The following DHDDS variants were observed in gnomAD, a reference collection of about 807,000 sequenced individuals.
DHDDS encodes dehydrodolichyl diphosphate synthase complex subunit DHDDS.
Under a neutral mutation model 46.2 loss-of-function variants are expected in DHDDS, and 16 were observed. The observed-to-expected ratio is 0.35, with a 90% confidence interval of 0.23 to 0.53. The LOEUF is 0.53. Ranked by LOEUF, DHDDS falls within the 20% of genes least tolerant of loss-of-function variation. The pLI, the probability that DHDDS is intolerant of heterozygous loss-of-function variation, is 0.94. For missense variants in DHDDS, 340 were observed against 423.7 expected, an observed-to-expected ratio of 0.80 and a Z score of 1.73; for synonymous variants, 151 against 163.1, an observed-to-expected ratio of 0.93 and a Z score of 0.56.
intron 3 of DHDDS, 145 bp from the exon 4 acceptor site, chr1:26,442,586 C>T: frequency 1.1e-6 from 1 of 928,208 alleles, no homozygotes; most frequent in Admixed American, 1.8e-5. Flanking sequence ...GACATAAACA[C>T]TGATGTTATC....
At chr1:26,462,434 C>A (rs931100528) in intron 8 of DHDDS, among the ~76,000 whole-genome samples, 44 of 152,074 alleles carry the variant, frequency 2.9e-4, no homozygotes, top group African/African-American at 9.9e-4. Context: ...CCCAGAATAC[C>A]TGGGTTTGAG....
intron 3 of DHDDS, among the ~76,000 whole-genome samples, chr1:26,442,397 A>G (rs1014439617): frequency 5.3e-5 from 8 of 152,202 alleles, no homozygotes; most frequent in African/African-American, 1.9e-4. Context: ...ACCTAGAGAA[A>G]TTAAATGATT....
intron 8 of DHDDS, among the ~76,000 whole-genome samples, chr1:26,463,057 T>C (rs1421697533): frequency 6.6e-6 from 1 of 152,146 alleles, no homozygotes; most frequent in Non-Finnish European, 1.5e-5. Context: ...GAAATGAGGC[T>C]AGAGTCAGAC....
At chr1:26,455,054 AT>A (rs979496972) in intron 6 of DHDDS, 1 of 1,068,626 alleles carries the variant, frequency 9.4e-7, no homozygotes, top group African/African-American at 1.5e-5. Context: ...CAGGTACTTC[AT>A]GGCTTTTCGT....
At chr1:26,450,476 A>C (rs564605195) in intron 6 of DHDDS, among the ~76,000 whole-genome samples, 2 of 152,250 alleles carry the variant, frequency 1.3e-5, no homozygotes, top group African/African-American at 2.4e-5. Flanking sequence ...AGAAGAAGAA[A>C]GAGCCTAAGA....
At position 26,446,367 on chromosome 1, in the gene DHDDS, C is replaced by G. The variant is rs2075268207; in HGVS notation, c.375C>G (p.His125Gln). The change falls in exon 5 of 9, where the codon CAC (histidine) becomes CAG (glutamine). Residue 125 changes from histidine (H) to glutamine (Q), a missense_variant. By Grantham distance (24) the His-to-Gln change is conservative. Around this residue, in one of 2 missense-constraint regions of DHDDS, gnomAD observed 268 missense variants for 300.3 expected, o/e 0.89. Coordinates refer to ENST00000236342, the MANE Select transcript of DHDDS (RefSeq NM_205861.3). ...GVCIRVLGDL[H>Q]LLPLDLQELI... The stretch of plus-strand genomic sequence containing the variant: ...GTATCCGGGTCCTGGGCGATCTGCA[C>G]TTGTTGCCCTTGGATCTCCAGGAGC... 1 of 1,614,102 alleles carries G rather than the reference C, an allele frequency of 6.2e-7. No homozygotes were observed. Among genetic ancestry groups the G allele is most frequent in the Admixed American group, 1.7e-5 (1 of 60,022 alleles).
At chr1:26,464,612 C>T (rs1289722394) in intron 8 of DHDDS, among the ~76,000 whole-genome samples, 1 of 152,220 alleles carries the variant, frequency 6.6e-6, no homozygotes, top group Non-Finnish European at 1.5e-5. Flanking sequence ...ACAGCATCCT[C>T]ACCAGTTTGT....
At chr1:26,457,731 C>T (rs2075384230) in intron 6 of DHDDS, 60 bp from the exon 7 acceptor site, 8 of 1,323,776 alleles carry the variant, frequency 6.0e-6, no homozygotes, top group Non-Finnish European at 8.7e-6. Context: ...CATGAGAACA[C>T]TACAGAAAGA....
intron 6 of DHDDS, among the ~76,000 whole-genome samples, chr1:26,454,485 T>G (rs1459648491): frequency 2.0e-5 from 3 of 152,128 alleles, no homozygotes; most frequent in Non-Finnish European, 2.9e-5. Flanking sequence ...TTTATTATTA[T>G]TCTTTATATA....
chr1:26,438,375 G>T lies in DHDDS; in HGVS notation c.180+91G>T, dbSNP rs138243773. Reference sequence around the variant, plus strand: ...AGGCTCTGAGTTTGCTGTGGTTGGAGAGTGTTTTTTGTATCTGTCTCTGTG... The same window carrying T: ...AGGCTCTGAGTTTGCTGTGGTTGGATAGTGTTTTTTGTATCTGTCTCTGTG... On this transcript the variant is annotated intron_variant, in intron 3 of 8. Coordinates refer to ENST00000236342, the MANE Select transcript of DHDDS (RefSeq NM_205861.3). 694 of 1,211,142 alleles carry T rather than the reference G, an allele frequency of 5.7e-4. 3 individuals carry two copies. The African/African-American group carries it at 9.2e-3, about 16-fold the overall frequency. 75.0% of individuals were successfully genotyped at this position (1,211,142 alleles called of 1,614,324 possible). A position where few individuals can be genotyped will look rare whatever the true frequency, so the allele number is the denominator to read the frequency against.
chr1:26,438,167 G>A lies in DHDDS; in HGVS notation c.64-1G>A. On this transcript the variant is annotated splice_acceptor_variant, in intron 2 of 8. Transcript: ENST00000236342. LOFTEE classifies it high-confidence loss of function. ...TCATCATTTGTCTTCCTATTCCACA[G>A]GCAGGCCCAATGCCGAAACACATTG... The A allele has an allele frequency of 2.5e-6, 4 of 1,613,684 alleles. No individual in the cohort carries two copies. The highest frequency in any genetic ancestry group is 3.4e-6 in the Non-Finnish European group (4 of 1,179,724).
intron 4 of DHDDS, among the ~76,000 whole-genome samples, chr1:26,443,494 A>G (rs901814332): frequency 2.0e-5 from 3 of 152,200 alleles, no homozygotes; most frequent in Non-Finnish European, 4.4e-5. Context: ...TAACTTAGGG[A>G]ATAAAGCCAG....
chr1:26,434,389 A>C (rs992099661), intron 2 of DHDDS, among the ~76,000 whole-genome samples: 1 of 152,220 alleles, frequency 6.6e-6, no homozygotes, highest in Non-Finnish European at 1.5e-5. Flanking sequence ...AACAAATGCC[A>C]AGTGATCTCA....
chr1:26,454,731 T>C, intron 6 of DHDDS: 11 of 1,589,228 alleles, frequency 6.9e-6, no homozygotes, highest in African/African-American at 1.3e-5. Context: ...ATCTGTTCCT[T>C]TTCAGTAAGG....
chr1:26,437,124 C>G (rs183467496), intron 2 of DHDDS, among the ~76,000 whole-genome samples: 1 of 151,790 alleles, frequency 6.6e-6, no homozygotes, highest in Non-Finnish European at 1.5e-5. Context: ...GAGCCGAGAT[C>G]GTGCCACTGC....
At chr1:26,441,931 A>G (rs890657766) in intron 3 of DHDDS, among the ~76,000 whole-genome samples, 3 of 149,822 alleles carry the variant, frequency 2.0e-5, no homozygotes, top group African/African-American at 7.4e-5. Flanking sequence ...GGACATTTCC[A>G]TCTCTCCAAA....
intron 2 of DHDDS, 101 bp downstream of exon 2, chr1:26,433,109 T>C: frequency 7.8e-7 from 1 of 1,275,292 alleles, no homozygotes. Flanking sequence ...CAATTCATGA[T>C]GTTAAGTGGA....
chr1:26,435,166 C>T (rs954843457), intron 2 of DHDDS, among the ~76,000 whole-genome samples: 3 of 151,444 alleles, frequency 2.0e-5, no homozygotes, highest in Non-Finnish European at 2.9e-5. Context: ...CTCGCCACCA[C>T]GCCCGGCTAA....
intron 3 of DHDDS, chr1:26,438,510 G>C: frequency 2.0e-6 from 1 of 496,172 alleles, no homozygotes; most frequent in South Asian, 2.0e-5. Context: ...GATTGCTTGA[G>C]CCCAGGGGTT....
Sources: gnomAD v4.1 joint callset for allele counts (sites outside exome capture counted in the v4.1 genomes callset) on GRCh38, gnomAD v4.1.1 for gene constraint, gnomAD v4.1.1 regional missense constraint, MANE v1.5 for transcripts, NCBI Gene and HGNC (gene_info 2026-07-23, HGNC 2026-07-21) for gene names.